ARHGAP22: variants seen among roughly 807,000 people sequenced by gnomAD.
ARHGAP22 encodes rho GTPase-activating protein 22.
In ARHGAP22, 48 loss-of-function variants were observed where a neutral mutation model predicts 59.1. The ratio of observed to expected loss-of-function variants is 0.81; its 90% CI spans 0.64 to 1.03. The LOEUF (loss-of-function observed/expected upper bound fraction) is 1.03, where lower values mean the gene tolerates loss of function less well. Ranked by LOEUF, ARHGAP22 falls within the 50% of genes least tolerant of loss-of-function variation. The pLI is 0.00. For missense variants in ARHGAP22, 1,015 were observed against 958.7 expected (o/e 1.06, Z -0.78); for synonymous variants, 445 against 416.4 (o/e 1.07, Z -0.84).
At chr10:48,625,788 A>G (rs2061430617) in intron 1 of ARHGAP22, among the ~76,000 whole-genome samples, 1 of 151,550 alleles carries the variant, frequency 6.6e-6, no homozygotes, top group African/African-American at 2.4e-5. Flanking sequence ...CAGAGGAGGG[A>G]AGATCTGAAT....
At chr10:48,480,488 T>C (rs1171143370) in intron 3 of ARHGAP22, among the ~76,000 whole-genome samples, 5 of 152,216 alleles carry the variant, frequency 3.3e-5, no homozygotes, top group African/African-American at 1.2e-4. Context: ...AATGAGTTTG[T>C]CTTTATACAT....
chr10:48,561,374 T>G (rs2057677136), intron 2 of ARHGAP22, among the ~76,000 whole-genome samples: 2 of 152,158 alleles, frequency 1.3e-5, no homozygotes, highest in Admixed American at 1.3e-4. Flanking sequence ...ATGATATACC[T>G]AAACACAAAA....
At chr10:48,439,543 ATTTCTG>A in the ARHGAP22 span, among the ~76,000 whole-genome samples, 10 of 151,964 alleles carry the variant, frequency 6.6e-5, no homozygotes, top group Non-Finnish European at 1.5e-4. Flanking sequence ...CTGGTCTTGG[ATTTCTG>A]GTGTTTGAAA....
intron 3 of ARHGAP22, among the ~76,000 whole-genome samples, chr10:48,536,812 T>G (rs1369339096): frequency 6.6e-6 from 1 of 152,142 alleles, no homozygotes. Context: ...TAATGTCTAT[T>G]TCTTGTCAAA....
chr10:48,576,787 T>C (rs1337127199), intron 2 of ARHGAP22, among the ~76,000 whole-genome samples: 4 of 152,192 alleles, frequency 2.6e-5, no homozygotes, highest in Non-Finnish European at 5.9e-5. Flanking sequence ...AAGATATTTA[T>C]TTCTAATTAG....
At chr10:48,496,934 G>T (rs960017286) in intron 3 of ARHGAP22, among the ~76,000 whole-genome samples, 2 of 152,124 alleles carry the variant, frequency 1.3e-5, no homozygotes, top group Non-Finnish European at 2.9e-5. Context: ...TCAGGTCCTA[G>T]CTCAGAGTGA....
At chr10:48,568,776 C>G (rs1236585979) in intron 2 of ARHGAP22, among the ~76,000 whole-genome samples, 1 of 152,222 alleles carries the variant, frequency 6.6e-6, no homozygotes, top group African/African-American at 2.4e-5. Context: ...CCACCCCCAC[C>G]AGGAAGAGCC....
intron 3 of ARHGAP22, among the ~76,000 whole-genome samples, chr10:48,522,684 G>C (rs771018650): frequency 6.6e-5 from 10 of 152,228 alleles, no homozygotes; most frequent in Non-Finnish European, 1.2e-4. Context: ...TATTGTCATA[G>C]TGAAGACACC....
At chr10:48,479,350 A>G (rs944463259) in intron 4 of ARHGAP22, 1 of 514,976 alleles carries the variant, frequency 1.9e-6, no homozygotes, top group Non-Finnish European at 3.4e-6. Flanking sequence ...GAGATGAGGG[A>G]AGGCGGAGGT....
the ARHGAP22 span, among the ~76,000 whole-genome samples, chr10:48,434,567 C>G: frequency 6.6e-6 from 1 of 152,210 alleles, no homozygotes; most frequent in African/African-American, 2.4e-5. Flanking sequence ...CACACATACC[C>G]TGAAGCCCAT....
intron 3 of ARHGAP22, among the ~76,000 whole-genome samples, chr10:48,492,746 G>T (rs985001344): frequency 6.6e-6 from 1 of 151,964 alleles, no homozygotes; most frequent in African/African-American, 2.4e-5. Context: ...TAGAGATGGG[G>T]TTTCATCATG....
At chr10:48,588,986 G>A (rs149393810) in intron 1 of ARHGAP22, among the ~76,000 whole-genome samples, 1 of 152,308 alleles carries the variant, frequency 6.6e-6, no homozygotes, top group African/African-American at 2.4e-5. Context: ...TTGGGAGGAA[G>A]AAGCTAGCCT....
upstream of ARHGAP22, among the ~76,000 whole-genome samples, chr10:48,654,773 A>ACTTTCTTTCTTT (rs201340687): frequency 4.5e-3 from 506 of 112,292 alleles, 2 homozygotes; most frequent in South Asian, 8.2e-3. Context: ...CATGCTGATT[A>ACTTTCTTTCTTT]CTTTCTTTCT....
intron 4 of ARHGAP22, among the ~76,000 whole-genome samples, chr10:48,478,075 G>A (rs576864371): frequency 1.4e-4 from 21 of 152,170 alleles, no homozygotes; most frequent in Non-Finnish European, 2.5e-4. Context: ...CTTCCCTGGT[G>A]CTCAAAAGTG....
At chr10:48,591,819 A>C (rs1020442895) in intron 1 of ARHGAP22, among the ~76,000 whole-genome samples, 1 of 152,134 alleles carries the variant, frequency 6.6e-6, no homozygotes. Context: ...GGTTGCAGTG[A>C]GTCGAGATTG....
At position 48,556,103 on chromosome 10, in the gene ARHGAP22, G is replaced by T. The variant is rs538835575; in HGVS notation, c.235-553C>A. On this transcript the variant is annotated intron_variant, in intron 2 of 9. Coordinates refer to ENST00000249601, the MANE Select transcript of ARHGAP22 (RefSeq NM_021226.4). ...GGGTGCATGTGTATGCATGACAGAG[G>T]GCGGCTCCACCTGCTCTCTAGTGCT... 3.9e-5 allele frequency among the ~76,000 whole-genome samples: 6 copies of T among 152,296 alleles called. No homozygotes were observed. The East Asian group carries it at 9.6e-4, about 24-fold the overall frequency.
chr10:48,633,558 TG>T (rs1230568017), intron 1 of ARHGAP22, among the ~76,000 whole-genome samples: 9 of 152,338 alleles, frequency 5.9e-5, no homozygotes, highest in Admixed American at 3.9e-4. Flanking sequence ...TATGGCCTAT[TG>T]TGGTCTCACT....
At chr10:48,539,290 C>CTTTTTTTTTTTTTTTT (rs553835954) in intron 3 of ARHGAP22, among the ~76,000 whole-genome samples, 1 of 129,310 alleles carries the variant, frequency 7.7e-6, no homozygotes, top group African/African-American at 3.1e-5. Context: ...AGAAGGGTAA[C>CTTTTTTTTTTTTTTTT]ATTTTTTTTT....
intron 1 of ARHGAP22, among the ~76,000 whole-genome samples, chr10:48,585,027 ACTGT>A: frequency 6.6e-6 from 1 of 151,604 alleles, no homozygotes; most frequent in African/African-American, 2.4e-5. Context: ...GCACTCAGGC[ACTGT>A]CTGAGGACAC....
Sources: gnomAD v4.1 joint callset for allele counts (sites outside exome capture counted in the v4.1 genomes callset) on GRCh38, gnomAD v4.1.1 for gene constraint, MANE v1.5 for transcripts, NCBI Gene and HGNC (gene_info 2026-07-23, HGNC 2026-07-21) for gene names.